EMSY: variants seen among roughly 807,000 people sequenced by gnomAD.
EMSY encodes the protein BRCA2-interacting transcriptional repressor EMSY.
In EMSY, 26 loss-of-function variants were observed where a neutral mutation model predicts 134.6. The ratio of observed to expected loss-of-function variants is 0.19; its 90% CI spans 0.14 to 0.27. EMSY has a LOEUF of 0.27. Ranked by LOEUF, EMSY falls within the 10% of genes least tolerant of loss-of-function variation. The probability of loss-of-function intolerance (pLI) is 1.00; values close to 1 mark genes in which losing one functional copy is unlikely to be tolerated. For missense variants in EMSY, 1,305 were observed against 1,611.4 expected, an observed-to-expected ratio of 0.81 and a Z score of 3.26; for synonymous variants, 579 against 577.8, an observed-to-expected ratio of 1.00 and a Z score of -0.03.
chr11:76,465,395 G>T (rs1000579869), intron 7 of EMSY, among the ~76,000 whole-genome samples: 1 of 152,104 alleles, frequency 6.6e-6, no homozygotes, highest in Non-Finnish European at 1.5e-5. Context: ...ATAAAACAGA[G>T]AAAACAATGT....
At chr11:76,537,391 G>A (rs780776708) in intron 15 of EMSY, among the ~76,000 whole-genome samples, 3 of 152,106 alleles carry the variant, frequency 2.0e-5, no homozygotes, top group Admixed American at 6.5e-5. Context: ...GCTATTCTGG[G>A]TAGATGTGTC....
intron 3 of EMSY, among the ~76,000 whole-genome samples, chr11:76,452,653 A>T (rs1947715406): frequency 6.6e-6 from 1 of 152,196 alleles, no homozygotes; most frequent in Non-Finnish European, 1.5e-5. Context: ...TGGAATGGGT[A>T]TAACCTTTTA....
chr11:76,487,740 A>G (rs1414193849), intron 8 of EMSY, among the ~76,000 whole-genome samples: 1 of 152,260 alleles, frequency 6.6e-6, no homozygotes, highest in African/African-American at 2.4e-5. Context: ...GGTTTATGTG[A>G]AACAAATGAA....
chr11:76,494,286 G>A (rs916513851), intron 8 of EMSY, among the ~76,000 whole-genome samples: 2 of 152,184 alleles, frequency 1.3e-5, no homozygotes, highest in East Asian at 1.9e-4. Context: ...GGCCACAGAC[G>A]TTTCTGGCTG....
chr11:76,523,422 AACAACTGTT>A, intron 12 of EMSY, 131 bp downstream of exon 13: 1 of 1,005,830 alleles, frequency 9.9e-7, no homozygotes, highest in Non-Finnish European at 1.4e-6. Flanking sequence ...GCTGGGATAT[AACAACTGTT>A]AAAGCACCAC....
intron 12 of EMSY, among the ~76,000 whole-genome samples, chr11:76,525,158 C>G (rs906238471): frequency 6.6e-6 from 1 of 152,230 alleles, no homozygotes; most frequent in African/African-American, 2.4e-5. Flanking sequence ...ATGGGTCATA[C>G]TTGGCCAGGG....
At position 76,456,652 on chromosome 11, in the gene EMSY, C is replaced by T. The variant is rs560356406; in HGVS notation, c.246-1531C>T. ...CATCAACTTGGGGATTATATAATAACAAATTTGTGAGTGTTACTGAAGTTT... is the reference window on the plus strand; with the variant it reads ...CATCAACTTGGGGATTATATAATAATAAATTTGTGAGTGTTACTGAAGTTT... On this transcript the variant is annotated intron_variant, in intron 4 of 20. Transcript: ENST00000334736. Among the ~76,000 whole-genome samples the T allele has an allele frequency of 2.0e-4, 30 of 152,238 alleles. No individual in the cohort carries two copies. The East Asian group carries it at 2.5e-3, about 13-fold the overall frequency.
intron 2 of EMSY, among the ~76,000 whole-genome samples, chr11:76,448,715 C>T (rs1947525248): frequency 6.6e-6 from 1 of 151,908 alleles, no homozygotes; most frequent in African/African-American, 2.4e-5. Flanking sequence ...AAGACTTCCT[C>T]CCCACCCGTT....
At chr11:76,460,029 C>G (rs2135065870) in exon 6 of EMSY, 1 of 1,614,144 alleles carries the variant, frequency 6.2e-7, no homozygotes, top group Non-Finnish European at 8.5e-7. Flanking sequence ...CCAAGACCTG[C>G]CAGTCCTGCC....
chr11:76,471,784 C>T (rs960369747), intron 7 of EMSY, among the ~76,000 whole-genome samples: 7 of 152,186 alleles, frequency 4.6e-5, no homozygotes, highest in African/African-American at 1.4e-4. Flanking sequence ...CATTACTTCT[C>T]TGCAGTTGTC....
intron 8 of EMSY, among the ~76,000 whole-genome samples, chr11:76,491,553 C>G (rs1181653858): frequency 6.6e-6 from 1 of 152,208 alleles, no homozygotes. Flanking sequence ...TCAGCTCTGA[C>G]AGCCATGCCA....
chr11:76,493,731 G>A (rs1949516508), intron 8 of EMSY, among the ~76,000 whole-genome samples: 1 of 152,208 alleles, frequency 6.6e-6, no homozygotes, highest in South Asian at 2.1e-4. Flanking sequence ...GAGCTGTTCT[G>A]TTGCTCAGTG....
At chr11:76,503,558 TG>T (rs1949962314) in intron 9 of EMSY, among the ~76,000 whole-genome samples, 1 of 152,126 alleles carries the variant, frequency 6.6e-6, no homozygotes, top group African/African-American at 2.4e-5. Context: ...TGAATAGATA[TG>T]TGCAAAGGAA....
chr11:76,451,751 T>G (rs534785537), intron 2 of EMSY, 107 bp from the exon 3 acceptor site: 2 of 523,720 alleles, frequency 3.8e-6, no homozygotes, highest in South Asian at 9.7e-5. Context: ...TAAAACAATA[T>G]TTTTATTTAA....
In EMSY at chr11:76,473,392, C is replaced by T. The variant is rs981047684; in HGVS notation, c.1108+552C>T. Among the ~76,000 whole-genome samples the T allele has an allele frequency of 6.6e-5, 10 of 152,040 alleles. No homozygotes were observed. In the South Asian group the frequency reaches 1.2e-3, roughly 19 times the overall value. ...AGCAATCTTGGCTCACTGCAACCTC[C>T]ACCTCCCGGGCTTAAGTGATCCTCC... On this transcript the variant is annotated intron_variant, in intron 8 of 20. Coordinates refer to ENST00000334736, the Ensembl canonical transcript of EMSY.
chr11:76,542,760 T>TTTTTTG (rs1247903932), intron 18 of EMSY, among the ~76,000 whole-genome samples: 14 of 74,242 alleles, frequency 1.9e-4, no homozygotes, highest in East Asian at 6.2e-4. Flanking sequence ...TTTGTTTTTT[T>TTTTTTG]TTTTTTTTGC....
At chr11:76,546,039 G>A (rs1951635122) in exon 20 of EMSY, 2 of 1,614,052 alleles carry the variant, frequency 1.2e-6, no homozygotes, top group Non-Finnish European at 1.7e-6. Context: ...ATCCCCCAAA[G>A]AAGGCTCTTG....
At chr11:76,461,010 A>AT (rs1217375630) in intron 6 of EMSY, 3 of 152,176 alleles carry the variant, frequency 2.0e-5, no homozygotes, top group African/African-American at 4.8e-5. Context: ...AAAAAAAAAA[A>AT]GAAAAGTGGT....
exon 19 of EMSY, chr11:76,544,396 T>G (rs1951562668): frequency 6.2e-7 from 1 of 1,614,106 alleles, no homozygotes; most frequent in African/African-American, 1.3e-5. Context: ...CACAGTCAGC[T>G]AAACAGCAGA....
Sources: allele counts gnomAD v4.1 joint callset (sites outside exome capture counted in the v4.1 genomes callset), GRCh38; gene constraint gnomAD v4.1.1; transcripts MANE v1.5; gene names NCBI Gene and HGNC (gene_info 2026-07-23, HGNC 2026-07-21).